Variants in LIMS1 observed in about 807,000 individuals in gnomAD.
The protein encoded by LIMS1 is LIM zinc finger domain containing 1.
LIMS1 carries 18 observed loss-of-function variants against 44.1 expected under a neutral mutation model. The observed-to-expected ratio is 0.41, with a 90% CI of 0.28 to 0.61. LIMS1 has a LOEUF of 0.61. LIMS1 is among the 20% of genes least tolerant of loss of function. The pLI is 0.32. For missense variants in LIMS1, 201 were observed against 422.0 expected (o/e 0.48, Z 4.59); for synonymous variants, 93 against 149.1 (o/e 0.62, Z 2.74).
intron 1 of LIMS1, among the ~76,000 whole-genome samples, chr2:108,545,088 A>G (rs1684440160): frequency 6.6e-6 from 1 of 152,192 alleles, no homozygotes; most frequent in Admixed American, 6.5e-5. Flanking sequence ...TGATAGGTTG[A>G]TAAGTCTTTT....
At chr2:108,555,817 G>T (rs1296363242) in intron 1 of LIMS1, among the ~76,000 whole-genome samples, 1 of 152,236 alleles carries the variant, frequency 6.6e-6, no homozygotes, top group Non-Finnish European at 1.5e-5. Context: ...TGGCTGTGGA[G>T]CCCACTGGCT....
At chr2:108,622,879 T>G (rs1003265020) in intron 1 of LIMS1, among the ~76,000 whole-genome samples, 15 of 152,234 alleles carry the variant, frequency 9.9e-5, no homozygotes, top group African/African-American at 3.4e-4. Context: ...TTTTCTTTAT[T>G]TTCAGACAAT....
intron 1 of LIMS1, chr2:108,588,747 T>C: frequency 1.2e-5 from 4 of 344,622 alleles, no homozygotes; most frequent in Non-Finnish European, 1.6e-5. Context: ...GGGTGAGTTG[T>C]AGTAACCTTC....
intron 2 of LIMS1, among the ~76,000 whole-genome samples, chr2:108,661,417 A>T (rs1372481820): frequency 8.0e-5 from 12 of 150,078 alleles, no homozygotes; most frequent in Non-Finnish European, 1.6e-4. Flanking sequence ...GTTCTTCCTG[A>T]CTCCTTCCCT....
chr2:108,592,126 G>A (rs1005003259), intron 1 of LIMS1, among the ~76,000 whole-genome samples: 1 of 152,068 alleles, frequency 6.6e-6, no homozygotes, highest in Non-Finnish European at 1.5e-5. Context: ...GGGACTTACA[G>A]TGATTTTAAA....
chr2:108,567,128 T>C (rs1573340356), intron 1 of LIMS1, among the ~76,000 whole-genome samples: 2 of 152,352 alleles, frequency 1.3e-5, no homozygotes, highest in Non-Finnish European at 1.5e-5. Context: ...GATTTTGTTA[T>C]AATGTTGATG....
intron 1 of LIMS1, among the ~76,000 whole-genome samples, chr2:108,564,605 A>T (rs1450215608): frequency 6.6e-6 from 1 of 152,166 alleles, no homozygotes; most frequent in Admixed American, 6.5e-5. Flanking sequence ...GTCTAATGGC[A>T]CAATTCAAAC....
chr2:108,553,109 T>C (rs1279658894), intron 1 of LIMS1, among the ~76,000 whole-genome samples: 2 of 152,204 alleles, frequency 1.3e-5, no homozygotes, highest in African/African-American at 2.4e-5. Context: ...TCATAATTCA[T>C]GTGGGCCTCC....
intron 1 of LIMS1, among the ~76,000 whole-genome samples, chr2:108,630,861 A>G (rs1322199254): frequency 6.6e-6 from 1 of 152,232 alleles, no homozygotes; most frequent in Non-Finnish European, 1.5e-5. Flanking sequence ...CTGTCGTTCT[A>G]TGGTAATCAT....
intron 1 of LIMS1, among the ~76,000 whole-genome samples, chr2:108,643,464 T>C (rs1398636455): frequency 1.3e-5 from 2 of 152,134 alleles, no homozygotes; most frequent in Admixed American, 1.3e-4. Context: ...GCCCAGATGT[T>C]GCACTTTTCC....
At chr2:108,667,345 G>A (rs1048839105) in intron 2 of LIMS1, among the ~76,000 whole-genome samples, 2 of 151,888 alleles carry the variant, frequency 1.3e-5, no homozygotes, top group East Asian at 1.9e-4. Flanking sequence ...TTTGACTCTT[G>A]GGAGGCCCTA....
At chr2:108,564,219 C>T (rs561499593) in intron 1 of LIMS1, among the ~76,000 whole-genome samples, 1 of 152,202 alleles carries the variant, frequency 6.6e-6, no homozygotes, top group South Asian at 2.1e-4. Context: ...CAGATGATTG[C>T]TAGCATTTTT....
chr2:108,542,183 C>T (rs1460848939), intron 1 of LIMS1, among the ~76,000 whole-genome samples: 1 of 152,124 alleles, frequency 6.6e-6, no homozygotes, highest in East Asian at 1.9e-4. Flanking sequence ...TTTAGCTTGA[C>T]TCTACAGTGT....
chr2:108,535,654 GTCTT>G (rs1684109477), intron 1 of LIMS1, among the ~76,000 whole-genome samples: 1 of 152,178 alleles, frequency 6.6e-6, no homozygotes, highest in African/African-American at 2.4e-5. Flanking sequence ...CATTAGGAAA[GTCTT>G]TATGTTAAAA....
intron 1 of LIMS1, among the ~76,000 whole-genome samples, chr2:108,590,390 G>A (rs1215225373): frequency 6.6e-6 from 1 of 152,206 alleles, no homozygotes; most frequent in Admixed American, 6.5e-5. Flanking sequence ...TCTTTTAGTT[G>A]ATAAAAAGGG....
chr2:108,581,255 A>G (rs1226616284), intron 1 of LIMS1, among the ~76,000 whole-genome samples: 1 of 152,232 alleles, frequency 6.6e-6, no homozygotes, highest in Admixed American at 6.5e-5. Flanking sequence ...ATAAATGTTT[A>G]TGTTAGAAGT....
chr2:108,673,398 C>T, intron 5 of LIMS1: 1 of 313,252 alleles, frequency 3.2e-6, no homozygotes, highest in East Asian at 9.2e-5. Flanking sequence ...TTTTTTTTTG[C>T]CTTGAGACAG....
At chr2:108,552,295 T>C (rs1684776051) in intron 1 of LIMS1, among the ~76,000 whole-genome samples, 1 of 136,124 alleles carries the variant, frequency 7.3e-6, no homozygotes, top group African/African-American at 2.6e-5. Context: ...ATATATATAC[T>C]ATACGTGTAG....
chr2:108,552,373 G>C (rs539523664), intron 1 of LIMS1, among the ~76,000 whole-genome samples: 1 of 139,122 alleles, frequency 7.2e-6, no homozygotes, highest in African/African-American at 2.6e-5. Flanking sequence ...TATACGTATA[G>C]TATATATATG....
Sources: allele counts gnomAD v4.1 joint callset (sites outside exome capture counted in the v4.1 genomes callset), GRCh38; gene constraint gnomAD v4.1.1; transcripts MANE v1.5; gene names NCBI Gene and HGNC (gene_info 2026-07-23, HGNC 2026-07-21).